Variants in CASKIN1 observed in about 807,000 individuals in gnomAD.
CASKIN1 encodes CASK interacting protein 1, also known as caskin-1.
Under a neutral mutation model 117.5 loss-of-function variants are expected in CASKIN1, and 42 were observed. The observed-to-expected ratio is 0.36, with a 90% CI of 0.28 to 0.46. CASKIN1 has a LOEUF of 0.46. CASKIN1 is among the 20% of genes least tolerant of loss of function. CASKIN1 has a pLI of 1.00. For synonymous variants in CASKIN1, 1,148 were observed against 961.7 expected (o/e 1.19, Z -3.59); for missense variants, 2,083 against 2,077.3 (o/e 1.00, Z -0.05).
intron 14 of CASKIN1, 34 bp downstream of exon 14, chr16:2,184,743 G>T: frequency 2.1e-6 from 3 of 1,459,130 alleles, no homozygotes; most frequent in Admixed American, 5.2e-5. Context: ...CCTCTCCCCG[G>T]AGCCCACGCT....
In CASKIN1 at chr16:2,186,989, C is replaced by G. The variant is rs1467263227; in HGVS notation, c.919G>C (p.Asp307His). Residue 307 changes from aspartate to histidine, a missense_variant, in exon 9 of 20, where the codon GAC (aspartate) becomes CAC (histidine). Coordinates refer to ENST00000343516, the MANE Select transcript of CASKIN1 (RefSeq NM_020764.4). ...DLTSLNVKAG[D>H]IITVLEQHPD... ...GGGGCCATGCTTACTGTGATGATGTCCCCTGCCTTCACGTTGAGGCTGGTC... is the reference window on the plus strand; with the variant it reads ...GGGGCCATGCTTACTGTGATGATGTGCCCTGCCTTCACGTTGAGGCTGGTC... The G allele has an allele frequency of 6.2e-7, 1 of 1,613,620 alleles. No homozygotes were observed. The highest frequency in any genetic ancestry group is 1.7e-5 in the Admixed American group (1 of 59,992).
chr16:2,181,374 A>C lies in CASKIN1; in HGVS notation c.1994T>G (p.Met665Arg). 6.2e-7 allele frequency: 1 copy of C among 1,609,118 alleles called. No individual in the cohort carries two copies. The highest frequency in any genetic ancestry group is 8.5e-7 in the Non-Finnish European group (1 of 1,179,036). Residue 665 changes from methionine to arginine, a missense_variant, in exon 18 of 20, where the codon ATG becomes AGG. Met to Arg is a moderately conservative substitution (Grantham distance 91). This residue lies in a region of CASKIN1 where 1,818 missense variants were observed against 1,688.9 expected (regional missense o/e 1.08). Coordinates refer to ENST00000343516, the MANE Select transcript of CASKIN1 (RefSeq NM_020764.4). The stretch of plus-strand genomic sequence containing the variant: ...GGGCCCCACCTCAGCCGGGCCAGTC[A>C]TGGCAGCCTGCAGCTCGTCACTGAG... ...SELSDELQAA[M>R]TGPAEVGPTT...
chr16:2,178,860 C>T, intron 19 of CASKIN1, 42 bp downstream of exon 19: 1 of 1,382,588 alleles, frequency 7.2e-7, no homozygotes, highest in South Asian at 1.6e-5. Flanking sequence ...CCATCTCTGC[C>T]GAGCCCCGCC....
Position 2,180,318 on chromosome 16 carries a change from C to G in CASKIN1, c.3050G>C (p.Gly1017Ala). Residue 1017 changes from glycine (G) to alanine (A), a missense_variant, in exon 18 of 20, where the codon GGC becomes GCC. Around this residue, in one of 3 missense-constraint regions of CASKIN1, gnomAD observed 1,818 missense variants for 1,688.9 expected, o/e 1.08. Coordinates refer to ENST00000343516, the MANE Select transcript of CASKIN1 (RefSeq NM_020764.4). Reference sequence around the variant, plus strand: ...CTCAGGAGGCCTGCGGGCAGCCCGGCCCCCACCCCCAATGGAGGACAGCTC... The same window carrying G: ...CTCAGGAGGCCTGCGGGCAGCCCGGGCCCCACCCCCAATGGAGGACAGCTC... Reference protein sequence around the residue: ...MLELSSIGGGGRAARRPPEGH... With the variant: ...MLELSSIGGGARAARRPPEGH... 1 of 1,595,290 alleles carries G rather than the reference C, an allele frequency of 6.3e-7. No individual in the cohort carries two copies. The highest frequency in any genetic ancestry group is 8.5e-7 in the Non-Finnish European group (1 of 1,176,102).
rs753344007 is a variant in CASKIN1, at chr16:2,179,766, G to T, written c.3602C>A (p.Pro1201Gln). Residue 1201 changes from proline (P) to glutamine (Q), a missense_variant, in exon 18 of 20, where the codon CCG (proline) becomes CAG (glutamine). Physicochemically the swap from Pro to Gln is moderately conservative, Grantham distance 76 (BLOSUM62 -1). This residue lies in a region of CASKIN1 where 1,818 missense variants were observed against 1,688.9 expected (regional missense o/e 1.08). Coordinates refer to ENST00000343516, the MANE Select transcript of CASKIN1 (RefSeq NM_020764.4). The surrounding 1 kb of genome is among the most constrained non-coding windows in gnomAD (Gnocchi z 5.8). Reference sequence around the variant, plus strand: ...GGGTAGGTGCGCCAGGTCGGTGGGCGGGGGTTCGGCAGGCGGGGGCGGTGG... The same window carrying T: ...GGGTAGGTGCGCCAGGTCGGTGGGCTGGGGTTCGGCAGGCGGGGGCGGTGG... ...LPPPPPPAEP[P>Q]PTDLAHLPPL... is the part of the protein sequence containing the mutation. 3 of 1,566,472 alleles carry T rather than the reference G, an allele frequency of 1.9e-6. No homozygotes were observed. Among genetic ancestry groups the T allele is most frequent in the Admixed American group, 3.7e-5 (2 of 54,648 alleles).
At position 2,179,036 on chromosome 16, in the gene CASKIN1, C is replaced by CGGGGCGGGGGGCGCG. The variant is rs2093156591; in HGVS notation, c.4064_4065insCGCGCCCCCCGCCCC (p.Ala1355_Pro1356insAlaProProAlaPro). ...AGGCGCCTTCGGGCGGGGCGGGGGGCGCGGCGGCGGCGGCGGCGGCGGCGG... is the reference window on the plus strand; with the variant it reads ...AGGCGCCTTCGGGCGGGGCGGGGGGCGGGGCGGGGGGCGCGGCGGCGGCGGCGGCGGCGGCGGCGG... On this transcript the variant is annotated inframe_insertion, in exon 19 of 20. Transcript: ENST00000343516. This position sits in a 1 kb window ranked among gnomAD's most constrained non-coding sequence, Gnocchi z 5.8. 9.0e-7 allele frequency: 1 copy of CGGGGCGGGGGGCGCG among 1,116,466 alleles called. No homozygotes were observed. Among genetic ancestry groups the CGGGGCGGGGGGCGCG allele is most frequent in the African/African-American group, 1.7e-5 (1 of 59,458 alleles). The allele number at this position is 1,116,466 out of a possible 1,614,324, so 69.2% of individuals were successfully genotyped here.
intron 1 of CASKIN1, among the ~76,000 whole-genome samples, chr16:2,192,396 C>T (rs1438382032): frequency 1.3e-5 from 2 of 151,816 alleles, no homozygotes; most frequent in African/African-American, 4.8e-5. Context: ...GAGGGGAGGC[C>T]GACAACGGAC....
Position 2,179,072 on chromosome 16 carries a change from C to T in CASKIN1, c.4029G>A (p.Pro1343=). ...APALHVPAKP[P]RAAAAAAAAA... ...CGGCGGCGGCGGCGGCGGCGGCTCG[C>T]GGGGGCTTGGCGGGCACGTGCAGCG... Residue 1343 remains proline (P), a synonymous_variant, in exon 19 of 20, where the codon CCG becomes CCA. Coordinates refer to ENST00000343516, the MANE Select transcript of CASKIN1 (RefSeq NM_020764.4). The surrounding 1 kb of genome is among the most constrained non-coding windows in gnomAD (Gnocchi z 5.8). The T allele has an allele frequency of 1.0e-6, 1 of 976,522 alleles. No homozygotes were observed. Among genetic ancestry groups the T allele is most frequent in the Non-Finnish European group, 1.2e-6 (1 of 826,888 alleles). The allele number at this position is 976,522 out of a possible 1,614,324, so 60.5% of individuals were successfully genotyped here.
chr16:2,183,831 C>T lies in CASKIN1; in HGVS notation c.1527G>A (p.Glu509=). The change falls in exon 15 of 20, where the codon GAG becomes GAA. Residue 509 remains glutamate, a splice_region_variant and synonymous_variant. Coordinates refer to ENST00000343516, the MANE Select transcript of CASKIN1 (RefSeq NM_020764.4). ...CGCTGGCGGCGCATGGAAAGCTCAC[C>T]TCGGGAGTCATGCGGCTGATGGTGG... is the stretch of plus-strand genomic sequence containing the variant. ...DLPTISRMTP[E]DLTAIGVTKP... is the part of the protein sequence containing the mutation. 6 of 1,612,792 alleles carry T rather than the reference C, an allele frequency of 3.7e-6. No homozygotes were observed. The highest frequency in any genetic ancestry group is 4.2e-6 in the Non-Finnish European group (5 of 1,179,610).
intron 1 of CASKIN1, among the ~76,000 whole-genome samples, chr16:2,190,608 C>G (rs1436170985): frequency 6.6e-6 from 1 of 152,180 alleles, no homozygotes; most frequent in African/African-American, 2.4e-5. Context: ...ACTAAGGACT[C>G]CGGCCTGGAG....
At chr16:2,192,154 C>T (rs1354488801) in intron 1 of CASKIN1, among the ~76,000 whole-genome samples, 1 of 152,108 alleles carries the variant, frequency 6.6e-6, no homozygotes. Context: ...AAAAAAGTAG[C>T]TGGGCACGGA....
At position 2,182,065 on chromosome 16, in the gene CASKIN1, A is replaced by C; in HGVS notation, c.1630-136T>G. The C allele has an allele frequency of 8.1e-7, 1 of 1,234,480 alleles. No individual in the cohort carries two copies. Among genetic ancestry groups the C allele is most frequent in the South Asian group, 1.4e-5 (1 of 72,098 alleles). 76.5% of individuals were successfully genotyped at this position (1,234,480 alleles called of 1,614,324 possible). ...GGAGGACAAACGGATAGGCCGAGGT[A>C]TTGGCACCAGAAATGTAGGCAGAGC... On this transcript the variant is annotated intron_variant, in intron 16 of 19. Coordinates refer to ENST00000343516, the MANE Select transcript of CASKIN1 (RefSeq NM_020764.4). This position sits in a 1 kb window ranked among gnomAD's most constrained non-coding sequence, Gnocchi z 4.1.
In CASKIN1 at chr16:2,181,190, C is replaced by A; in HGVS notation, c.2178G>T (p.Glu726Asp). ...GPSSPMSRSQ[E>D]YLLDEGPAPG... is the part of the protein sequence containing the mutation. Reference sequence around the variant, plus strand: ...GGGCGGGGCCCTCATCCAGGAGGTACTCCTGGCTTCGAGACATGGGGCTGC... The same window carrying A: ...GGGCGGGGCCCTCATCCAGGAGGTAATCCTGGCTTCGAGACATGGGGCTGC... Residue 726 changes from glutamate (E) to aspartate (D), a missense_variant, in exon 18 of 20, where the codon GAG becomes GAT. Glu to Asp is a conservative substitution (Grantham distance 45). Around this residue, in one of 3 missense-constraint regions of CASKIN1, gnomAD observed 1,818 missense variants for 1,688.9 expected, o/e 1.08. Coordinates refer to ENST00000343516, the MANE Select transcript of CASKIN1 (RefSeq NM_020764.4). 1 of 1,557,916 alleles carries A rather than the reference C, an allele frequency of 6.4e-7. No homozygotes were observed. Among genetic ancestry groups the A allele is most frequent in the Non-Finnish European group, 8.6e-7 (1 of 1,163,340 alleles).
At position 2,183,667 on chromosome 16, in the gene CASKIN1, G is replaced by A; in HGVS notation, c.1608C>T (p.Asp536=). The change falls in exon 16 of 20, where the codon GAC becomes GAT. Residue 536 remains aspartate (D), a synonymous_variant. Coordinates refer to ENST00000343516, the MANE Select transcript of CASKIN1 (RefSeq NM_020764.4). ...AAEISGLSIP[D]WLPEHKPANL... is the part of the protein sequence containing the mutation. ...TTACGGGTTTGTGCTCAGGCAGCCA[G>A]TCAGGGATGCTTAGGCCGCTGATCT... The A allele has an allele frequency of 6.2e-7, 1 of 1,613,340 alleles. No homozygotes were observed. The highest frequency in any genetic ancestry group is 8.5e-7 in the Non-Finnish European group (1 of 1,179,974).
rs1261532998 is a variant in CASKIN1 at position 2,178,021 on chromosome 16, A to G, written c.*529T>C. ...TTGGTAAATGGTTTTCTATAGAATC[A>G]ATAATATTTCTTTCTTTAAATATAT... On this transcript the variant is annotated 3_prime_UTR_variant, in exon 20 of 20. Transcript: ENST00000343516. The G allele has an allele frequency of 2.3e-6, 1 of 431,702 alleles. No homozygotes were observed. Among genetic ancestry groups the G allele is most frequent in the Non-Finnish European group, 4.4e-6 (1 of 229,430 alleles). The allele number at this position is 431,702 out of a possible 1,614,324, so 26.7% of individuals were successfully genotyped here. A position where few individuals can be genotyped will look rare whatever the true frequency, so the allele number is the denominator to read the frequency against.
In CASKIN1 at chr16:2,179,462, A is replaced by G; in HGVS notation, c.3775+131T>C. 1 of 1,381,236 alleles carries G rather than the reference A, an allele frequency of 7.2e-7. No individual in the cohort carries two copies. 85.6% of individuals were successfully genotyped at this position (1,381,236 alleles called of 1,614,324 possible). ...TTGCCCCCAGCCCTGGATGGATGAGAGGGTCTGGGGACACGTTCCCACCCC... is the reference window on the plus strand; with the variant it reads ...TTGCCCCCAGCCCTGGATGGATGAGGGGGTCTGGGGACACGTTCCCACCCC... On this transcript the variant is annotated intron_variant, in intron 18 of 19. Transcript: ENST00000343516. The surrounding 1 kb of genome is among the most constrained non-coding windows in gnomAD (Gnocchi z 5.8).
Position 2,196,306 on chromosome 16 carries a change from C to A in CASKIN1, c.94+33G>T. ...CCGCGCCGGGGAGGGGCCCCCGGGG[C>A]TCCCACCCGCGCCCCGCGCCCCCGG... On this transcript the variant is annotated intron_variant, in intron 1 of 19. Transcript: ENST00000343516. This position sits in a 1 kb window ranked among gnomAD's most constrained non-coding sequence, Gnocchi z 5.7. The A allele has an allele frequency of 9.3e-7, 1 of 1,077,234 alleles. No homozygotes were observed. The highest frequency in any genetic ancestry group is 1.2e-6 in the Non-Finnish European group (1 of 868,398). The allele number at this position is 1,077,234 out of a possible 1,614,324, so 66.7% of individuals were successfully genotyped here.
Position 2,196,422 on chromosome 16 carries a change from T to G in CASKIN1, c.11A>C (p.Glu4Ala). The change falls in exon 1 of 20, where the codon GAG (glutamate) becomes GCG (alanine). Residue 4 changes from glutamate (E) to alanine (A), a missense_variant. Around this residue, in one of 3 missense-constraint regions of CASKIN1, gnomAD observed 62 missense variants for 49.7 expected, o/e 1.25. Coordinates refer to ENST00000343516, the MANE Select transcript of CASKIN1 (RefSeq NM_020764.4). This position sits in a 1 kb window ranked among gnomAD's most constrained non-coding sequence, Gnocchi z 5.7. ...CTTCACCGCCTGCACCAGCTCCTGC[T>G]CCTTCCCCATGGCGCGGCCGGGGCC... MGK[E>A]QELVQAVKAE... 1 of 1,313,644 alleles carries G rather than the reference T, an allele frequency of 7.6e-7. No individual in the cohort carries two copies. Among genetic ancestry groups the G allele is most frequent in the Non-Finnish European group, 9.8e-7 (1 of 1,017,350 alleles). 81.4% of individuals were successfully genotyped at this position (1,313,644 alleles called of 1,614,324 possible). A position where few individuals can be genotyped will look rare whatever the true frequency, so the allele number is the denominator to read the frequency against.
At position 2,189,577 on chromosome 16, in the gene CASKIN1, G is replaced by C; in HGVS notation, c.245-13C>G. On this transcript the variant is annotated splice_polypyrimidine_tract_variant and intron_variant, in intron 3 of 19. Coordinates refer to ENST00000343516, the MANE Select transcript of CASKIN1 (RefSeq NM_020764.4). ...AGCGGCCGCATGCCTGGGGGGCGAGGGGATGCTGGGAGCTGACCCTTGACC... is the reference window on the plus strand; with the variant it reads ...AGCGGCCGCATGCCTGGGGGGCGAGCGGATGCTGGGAGCTGACCCTTGACC... The C allele has an allele frequency of 1.9e-6, 3 of 1,588,412 alleles. No homozygotes were observed. The highest frequency in any genetic ancestry group is 2.6e-6 in the Non-Finnish European group (3 of 1,170,112).
Sources: gnomAD v4.1 joint callset for allele counts (sites outside exome capture counted in the v4.1 genomes callset) on GRCh38, gnomAD v4.1.1 for gene constraint, gnomAD v4.1.1 regional missense constraint, Gnocchi (gnomAD v3.1) non-coding constraint, MANE v1.5 for transcripts, NCBI Gene and HGNC (gene_info 2026-07-23, HGNC 2026-07-21) for gene names.